Variants in FOXP1 observed in about 807,000 individuals in gnomAD.
FOXP1 encodes the protein forkhead box P1.
Under a neutral mutation model 98.2 loss-of-function variants are expected in FOXP1, and 15 were observed. The observed-to-expected ratio is 0.15, with a 90% CI of 0.10 to 0.24. FOXP1 has a LOEUF of 0.24. FOXP1 is among the 10% of genes least tolerant of loss of function. The probability of loss-of-function intolerance (pLI) is 1.00; values close to 1 mark genes in which losing one functional copy is unlikely to be tolerated. For missense variants in FOXP1, 633 were observed against 848.5 expected (o/e 0.75, Z 3.15); for synonymous variants, 371 against 314.5 (o/e 1.18, Z -1.90).
chr3:71,505,303 C>A (rs561839115), intron 2 of FOXP1, among the ~76,000 whole-genome samples: 1 of 151,984 alleles, frequency 6.6e-6, no homozygotes, highest in African/African-American at 2.4e-5. Flanking sequence ...CCTGGTAGTG[C>A]AGCTTGGAAA....
chr3:71,033,223 G>A (rs1342670479), intron 11 of FOXP1, among the ~76,000 whole-genome samples: 2 of 152,116 alleles, frequency 1.3e-5, no homozygotes, highest in East Asian at 3.9e-4. Flanking sequence ...CTGTATCAGC[G>A]GCAGCGGCGC....
chr3:71,128,319 A>G (rs2107893532), intron 6 of FOXP1, among the ~76,000 whole-genome samples: 1 of 152,104 alleles, frequency 6.6e-6, no homozygotes, highest in Admixed American at 6.5e-5. Context: ...AAAAAAAAAA[A>G]AAACGCAAAT....
intron 6 of FOXP1, among the ~76,000 whole-genome samples, chr3:71,125,936 G>A (rs2059136850): frequency 1.3e-5 from 2 of 152,128 alleles, no homozygotes; most frequent in African/African-American, 4.8e-5. Flanking sequence ...CTGTGTCTTA[G>A]TTTCTTCTTC....
intron 4 of FOXP1, among the ~76,000 whole-genome samples, chr3:71,314,358 T>C (rs2074920596): frequency 6.6e-6 from 1 of 151,978 alleles, no homozygotes; most frequent in African/African-American, 2.4e-5. Context: ...GTGAAACCCA[T>C]CTCTACTAAA....
chr3:71,446,241 A>AT (rs1219707557), intron 3 of FOXP1, among the ~76,000 whole-genome samples: 2 of 151,934 alleles, frequency 1.3e-5, no homozygotes, highest in African/African-American at 4.8e-5. Context: ...GGCACCCTTG[A>AT]TTTTTTTTAA....
chr3:71,313,513 C>T (rs2074851365), intron 4 of FOXP1, among the ~76,000 whole-genome samples: 1 of 151,628 alleles, frequency 6.6e-6, no homozygotes, highest in South Asian at 2.1e-4. Context: ...TTGTACAGAT[C>T]GAGTATCTGC....
At chr3:71,566,476 A>C (rs902087791) in intron 2 of FOXP1, among the ~76,000 whole-genome samples, 1 of 152,180 alleles carries the variant, frequency 6.6e-6, no homozygotes, top group Non-Finnish European at 1.5e-5. Flanking sequence ...TGTGTAGTCT[A>C]ATGTTTGACC....
intron 4 of FOXP1, among the ~76,000 whole-genome samples, chr3:71,320,206 G>A (rs1019540427): frequency 3.3e-5 from 5 of 152,028 alleles, no homozygotes; most frequent in East Asian, 3.9e-4. Flanking sequence ...GATGCTTAAC[G>A]TTGCATGCTT....
chr3:71,549,761 A>C (rs1350455569), intron 2 of FOXP1, among the ~76,000 whole-genome samples: 1 of 151,874 alleles, frequency 6.6e-6, no homozygotes, highest in Non-Finnish European at 1.5e-5. Context: ...CTCAATTTCA[A>C]CTGTAACATC....
intron 4 of FOXP1, among the ~76,000 whole-genome samples, chr3:71,323,010 A>ACCCTGGC (rs1185481219): frequency 2.1e-5 from 3 of 145,034 alleles, no homozygotes; most frequent in Non-Finnish European, 4.5e-5. Flanking sequence ...TTGCTCTGTT[A>ACCCTGGC]CCCTGGCTGG....
At chr3:71,052,976 A>G (rs1293212367) in intron 8 of FOXP1, among the ~76,000 whole-genome samples, 1 of 152,156 alleles carries the variant, frequency 6.6e-6, no homozygotes, top group Non-Finnish European at 1.5e-5. Flanking sequence ...GCTGGGCACT[A>G]TGCAGTGTTA....
At chr3:71,377,232 T>C (rs1031818258) in intron 3 of FOXP1, among the ~76,000 whole-genome samples, 1 of 152,170 alleles carries the variant, frequency 6.6e-6, no homozygotes, top group African/African-American at 2.4e-5. Context: ...AAACTGAATA[T>C]TAAAAATACC....
chr3:71,215,342 C>T (rs1039968076), intron 5 of FOXP1, among the ~76,000 whole-genome samples: 2 of 152,034 alleles, frequency 1.3e-5, no homozygotes, highest in African/African-American at 2.4e-5. Flanking sequence ...CAACATGGAA[C>T]AAAAATCAAT....
intron 11 of FOXP1, among the ~76,000 whole-genome samples, chr3:71,021,048 C>T (rs1431197686): frequency 6.6e-6 from 1 of 152,196 alleles, no homozygotes; most frequent in Admixed American, 6.5e-5. Context: ...TCAAGTTTTA[C>T]TGAGTTATAG....
At position 70,966,058 on chromosome 3, in the gene FOXP1, T is replaced by TGTGATTAC; in HGVS notation, c.1723-3_1723-2insGTAATCAC. 6.2e-7 allele frequency: 1 copy of TGTGATTAC among 1,614,026 alleles called. No individual in the cohort carries two copies. Among genetic ancestry groups the TGTGATTAC allele is most frequent in the Non-Finnish European group, 8.5e-7 (1 of 1,179,874 alleles). ...TATACTATTCTCAGCCATTGAAGCC[T>TGTGATTAC]GTCATCAACCAAGAGAAAATTTATG... On this transcript the variant is annotated splice_region_variant and splice_polypyrimidine_tract_variant and intron_variant, in intron 19 of 20. Coordinates refer to ENST00000649528, the MANE Select transcript of FOXP1 (RefSeq NM_001349338.3).
At chr3:71,400,249 T>A (rs555430814) in intron 3 of FOXP1, among the ~76,000 whole-genome samples, 9 of 152,214 alleles carry the variant, frequency 5.9e-5, no homozygotes, top group Non-Finnish European at 1.3e-4. Context: ...CTGGCATGAA[T>A]GCAATGAAAC....
chr3:71,152,608 T>C (rs13071208), intron 6 of FOXP1, among the ~76,000 whole-genome samples: 45,106 of 152,040 alleles, frequency 0.3, 8,320 homozygotes, highest in Middle Eastern at 0.43. Context: ...GACCTGCTCC[T>C]GTGCCCTAGG....
At chr3:71,348,553 G>GCA (rs767123935) in intron 4 of FOXP1, among the ~76,000 whole-genome samples, 2,116 of 130,722 alleles carry the variant, frequency 0.016, 30 homozygotes, top group Middle Eastern at 0.036. Flanking sequence ...GTGTGTGCGT[G>GCA]CGCGCGCGCA....
intron 5 of FOXP1, among the ~76,000 whole-genome samples, chr3:71,249,984 C>T (rs965640324): frequency 6.6e-6 from 1 of 152,160 alleles, no homozygotes; most frequent in Non-Finnish European, 1.5e-5. Flanking sequence ...ATCCAGAACA[C>T]ATGTTGTCTG....
Sources: allele counts gnomAD v4.1 joint callset (sites outside exome capture counted in the v4.1 genomes callset), GRCh38; gene constraint gnomAD v4.1.1; transcripts MANE v1.5; gene names NCBI Gene and HGNC (gene_info 2026-07-23, HGNC 2026-07-21).